Variants in CASQ2 observed in about 807,000 individuals in gnomAD.
CASQ2 encodes the protein calsequestrin-2.
In CASQ2, 49 loss-of-function variants were observed where a neutral mutation model predicts 46.5. The ratio of observed to expected loss-of-function variants is 1.05; its 90% CI spans 0.84 to 1.34. The LOEUF is 1.34. Ranked by LOEUF, CASQ2 falls within the 40% of genes most tolerant of loss-of-function variation. The probability of loss-of-function intolerance (pLI) is 0.00; values close to 1 mark genes in which losing one functional copy is unlikely to be tolerated. For synonymous variants in CASQ2, 174 were observed against 168.5 expected (o/e 1.03, Z -0.25); for missense variants, 486 against 481.3 (o/e 1.01, Z -0.09).
chr1:115,717,886 A>G lies in CASQ2; in HGVS notation c.792T>C (p.Asp264=), dbSNP rs775837519. 1.2e-6 allele frequency: 2 copies of G among 1,609,544 alleles called. No individual in the cohort carries two copies. Among genetic ancestry groups the G allele is most frequent in the Non-Finnish European group, 1.7e-6 (2 of 1,175,884 alleles). Residue 264 remains aspartate, a synonymous_variant, in exon 8 of 11, where the codon GAT becomes GAC. Transcript: ENST00000261448. Reference sequence around the variant, plus strand: ...AGGCCACAATGTGGATCCCATTCAAATCATCTTCCTGTATGAGAAAAGTAA... The same window carrying G: ...AGGCCACAATGTGGATCCCATTCAAGTCATCTTCCTGTATGAGAAAAGTAA... The part of the protein sequence containing the change: ...PEEMFETWED[D]LNGIHIVAFA...
Position 115,743,976 on chromosome 1 carries a change from A to G in CASQ2, c.319+852T>C, listed in dbSNP as rs573693548. 3.5e-4 allele frequency among the ~76,000 whole-genome samples: 6 copies of G among 17,116 alleles called. No homozygotes were observed. In the South Asian group the frequency reaches 0.03, roughly 86 times the overall value. 11.2% of individuals were successfully genotyped at this position (17,116 alleles called of 152,430 possible). A position where few individuals can be genotyped will look rare whatever the true frequency, so the allele number is the denominator to read the frequency against. ...ACATGGTGAAACCCTGTCTCTCATA[A>G]AAATACAAAAAAAAAAAATGAACTG... On this transcript the variant is annotated intron_variant, in intron 2 of 10. Transcript: ENST00000261448.
chr1:115,727,973 G>A (rs1647652429), intron 5 of CASQ2, among the ~76,000 whole-genome samples: 1 of 152,214 alleles, frequency 6.6e-6, no homozygotes, highest in Admixed American at 6.5e-5. Context: ...ACCTCTGTTT[G>A]TGAAATGATT....
At chr1:115,750,346 A>G (rs1648535243) in intron 1 of CASQ2, among the ~76,000 whole-genome samples, 1 of 152,214 alleles carries the variant, frequency 6.6e-6, no homozygotes, top group African/African-American at 2.4e-5. Context: ...CAGATAGTCC[A>G]TCCTAGTGAA....
In CASQ2 at chr1:115,705,248, T is replaced by A. The variant is rs750735111; in HGVS notation, c.883A>T (p.Asn295Tyr). The A allele has an allele frequency of 1.2e-6, 2 of 1,614,036 alleles. No homozygotes were observed. Among genetic ancestry groups the A allele is most frequent in the Admixed American group, 3.3e-5 (2 of 60,010 alleles). ...ATGCTCAGATCGGGGTTGTCAGTAT[T>A]GTCCCGGGCAACCTGTTTCAGGATC... is the stretch of plus-strand genomic sequence containing the variant. ...LEILKQVARD[N>Y]TDNPDLSILW... is the part of the protein sequence containing the mutation. Residue 295 changes from asparagine (N) to tyrosine (Y), a missense_variant, in exon 9 of 11, where the codon AAT becomes TAT. By Grantham distance (143) the Asn-to-Tyr change is moderately radical (BLOSUM62 -2). Coordinates refer to ENST00000261448, the MANE Select transcript of CASQ2 (RefSeq NM_001232.4).
intron 1 of CASQ2, among the ~76,000 whole-genome samples, chr1:115,751,772 G>A (rs1648592388): frequency 6.6e-6 from 1 of 152,176 alleles, no homozygotes; most frequent in Admixed American, 6.5e-5. Flanking sequence ...AAATCCTGCA[G>A]AGCCCAGTGG....
intron 1 of CASQ2, among the ~76,000 whole-genome samples, chr1:115,756,587 T>C (rs548526278): frequency 1.2e-4 from 19 of 152,348 alleles, no homozygotes; most frequent in African/African-American, 4.6e-4. Context: ...CCTTATATCA[T>C]AATAGCCCTT....
At chr1:115,715,679 A>C (rs1654678615) in intron 8 of CASQ2, among the ~76,000 whole-genome samples, 1 of 152,232 alleles carries the variant, frequency 6.6e-6, no homozygotes, top group South Asian at 2.1e-4. Context: ...AAGGGTTACT[A>C]TTATGGTATA....
chr1:115,703,063 G>T, intron 9 of CASQ2, 68 bp from the exon 10 acceptor site: 1 of 1,240,114 alleles, frequency 8.1e-7, no homozygotes, highest in African/African-American at 1.5e-5. Context: ...CCCACCCGCC[G>T]TCCCATCACA....
intron 7 of CASQ2, among the ~76,000 whole-genome samples, chr1:115,720,722 G>A (rs983148707): frequency 6.6e-6 from 1 of 152,214 alleles, no homozygotes; most frequent in African/African-American, 2.4e-5. Context: ...CACTTTGTAC[G>A]CCCCCCTGTC....
At chr1:115,764,532 G>A (rs574344409) in intron 1 of CASQ2, among the ~76,000 whole-genome samples, 1 of 152,128 alleles carries the variant, frequency 6.6e-6, no homozygotes. Context: ...TGTTGATGAA[G>A]AATACCCAAG....
chr1:115,701,553 T>C (rs1654207110), intron 10 of CASQ2, 127 bp from the exon 11 acceptor site: 1 of 721,614 alleles, frequency 1.4e-6, no homozygotes, highest in Non-Finnish European at 2.5e-6. Context: ...AACGTGCACA[T>C]TGTTAAATGG....
chr1:115,744,924 A>G lies in CASQ2; in HGVS notation c.235-12T>C. On this transcript the variant is annotated splice_polypyrimidine_tract_variant and intron_variant, in intron 1 of 10. Transcript: ENST00000261448. ...ACCTGGGCCACAAGCTGAAGAAACA[A>G]ATGGAAAGATGAGTGTGCTAAGGGC... is the stretch of plus-strand genomic sequence containing the variant. 1.3e-6 allele frequency: 2 copies of G among 1,594,874 alleles called. No individual in the cohort carries two copies. Among genetic ancestry groups the G allele is most frequent in the Non-Finnish European group, 1.7e-6 (2 of 1,162,868 alleles).
At chr1:115,741,025 C>T (rs1342751120) in intron 2 of CASQ2, among the ~76,000 whole-genome samples, 197 bp from the exon 3 acceptor site, 1 of 152,172 alleles carries the variant, frequency 6.6e-6, no homozygotes, top group African/African-American at 2.4e-5. Flanking sequence ...GGAAATAGTC[C>T]AGAACAATTC....
chr1:115,715,062 G>A (rs1654657068), intron 8 of CASQ2, among the ~76,000 whole-genome samples: 2 of 152,234 alleles, frequency 1.3e-5, no homozygotes, highest in South Asian at 2.1e-4. Context: ...AAGGTGGCAG[G>A]TGAGGTGGGG....
At chr1:115,711,470 T>A (rs946333836) in intron 8 of CASQ2, among the ~76,000 whole-genome samples, 1 of 152,150 alleles carries the variant, frequency 6.6e-6, no homozygotes, top group Non-Finnish European at 1.5e-5. Context: ...TATAACGAGA[T>A]GCTATCAGCA....
chr1:115,763,893 CAA>C (rs941119943), intron 1 of CASQ2, among the ~76,000 whole-genome samples: 2 of 152,074 alleles, frequency 1.3e-5, no homozygotes, highest in Non-Finnish European at 2.9e-5. Context: ...AAGCAGGAAA[CAA>C]AGCAGCAAGG....
intron 1 of CASQ2, among the ~76,000 whole-genome samples, chr1:115,762,256 T>A (rs969788473): frequency 2.0e-5 from 3 of 152,220 alleles, no homozygotes; most frequent in African/African-American, 7.2e-5. Context: ...CTGTTCAGAA[T>A]CTGGAAAGTA....
intron 1 of CASQ2, among the ~76,000 whole-genome samples, chr1:115,754,964 T>C (rs1648709213): frequency 6.6e-6 from 1 of 152,014 alleles, no homozygotes; most frequent in African/African-American, 2.4e-5. Flanking sequence ...CACCCCAGAG[T>C]TTCTGATTCA....
chr1:115,751,593 G>A (rs7538215), intron 1 of CASQ2, among the ~76,000 whole-genome samples: 141,313 of 151,890 alleles, frequency 0.93, 66,065 homozygotes, highest in South Asian at 0.98. Context: ...AATGGCGTGA[G>A]CCCTGGAGGT....
Sources: gnomAD v4.1 joint callset for allele counts (sites outside exome capture counted in the v4.1 genomes callset) on GRCh38, gnomAD v4.1.1 for gene constraint, MANE v1.5 for transcripts, NCBI Gene and HGNC (gene_info 2026-07-23, HGNC 2026-07-21) for gene names.